The following OR56A1 variants were observed in gnomAD, a reference collection of about 807,000 sequenced individuals.
OR56A1 encodes the protein olfactory receptor family 56 subfamily A member 1.
For missense variants in OR56A1, 360 were observed against 380.9 expected, an observed-to-expected ratio of 0.94 and a Z score of 0.46; for synonymous variants, 174 against 159.1, an observed-to-expected ratio of 1.09 and a Z score of -0.70.
rs1848438915 is a variant in OR56A1, at chr11:6,025,556, A to T, written c.*1192T>A. 6.6e-6 allele frequency: 1 copy of T among 151,862 alleles called. No individual in the cohort carries two copies. Among genetic ancestry groups the T allele is most frequent in the Non-Finnish European group, 1.5e-5 (1 of 67,982 alleles). 9.4% of individuals were successfully genotyped at this position (151,862 alleles called of 1,614,324 possible). A position where few individuals can be genotyped will look rare whatever the true frequency, so the allele number is the denominator to read the frequency against. ...TTTGTTTAACTCCCAGCCTTATTGA[A>T]CTCTCTCAAAAATACCAGCACCATC... On this transcript the variant is annotated 3_prime_UTR_variant, in exon 2 of 2. Coordinates refer to ENST00000641900, the MANE Select transcript of OR56A1 (RefSeq NM_001388488.1).
chr11:6,031,549 A>T (rs1848512560), upstream of OR56A1, among the ~76,000 whole-genome samples: 1 of 152,194 alleles, frequency 6.6e-6, no homozygotes. Flanking sequence ...TGAATCTTCC[A>T]GAAGTCATAT....
Position 6,019,822 on chromosome 11 carries a change from T to C in OR56A1, c.*6926A>G, listed in dbSNP as rs1848376852. The C allele has an allele frequency of 6.6e-6, 1 of 152,136 alleles. No homozygotes were observed. Among genetic ancestry groups the C allele is most frequent in the Admixed American group, 6.5e-5 (1 of 15,274 alleles). 9.4% of individuals were successfully genotyped at this position (152,136 alleles called of 1,614,324 possible). A position where few individuals can be genotyped will look rare whatever the true frequency, so the allele number is the denominator to read the frequency against. On this transcript the variant is annotated 3_prime_UTR_variant, in exon 2 of 2. Transcript: ENST00000641900. ...GTCAGAAGGCTTTTTCTCAAAAGCATTTAGGCACAGTATTCAATTCGTCAG... is the reference window on the plus strand; with the variant it reads ...GTCAGAAGGCTTTTTCTCAAAAGCACTTAGGCACAGTATTCAATTCGTCAG...
rs1404923866 is a variant in OR56A1 at position 6,020,239 on chromosome 11, G to A, written c.*6509C>T. On this transcript the variant is annotated 3_prime_UTR_variant, in exon 2 of 2. Transcript: ENST00000641900. ...AGCAGAATGTCAAGGCAGATTTCAA[G>A]TATATGTTTGAACAGTCCTAAACTA... 2 of 152,058 alleles carry A rather than the reference G, an allele frequency of 1.3e-5. No individual in the cohort carries two copies. The highest frequency in any genetic ancestry group is 2.9e-5 in the Non-Finnish European group (2 of 67,958). 9.4% of individuals were successfully genotyped at this position (152,058 alleles called of 1,614,324 possible). A position where few individuals can be genotyped will look rare whatever the true frequency, so the allele number is the denominator to read the frequency against.
upstream of OR56A1, among the ~76,000 whole-genome samples, chr11:6,032,395 C>T (rs1160248473): frequency 6.6e-6 from 1 of 152,140 alleles, no homozygotes; most frequent in South Asian, 2.1e-4. Context: ...TTTTGTACCT[C>T]TCTATCTCCC....
rs895394936 is a variant in OR56A1, at chr11:6,021,614, G to C, written c.*5134C>G. Reference sequence around the variant, plus strand: ...GTTCAAATGCAGTGTCACTCCAAAAGAAGTCACATTGTTCGATGCCTGCTT... The same window carrying C: ...GTTCAAATGCAGTGTCACTCCAAAACAAGTCACATTGTTCGATGCCTGCTT... On this transcript the variant is annotated 3_prime_UTR_variant, in exon 2 of 2. Coordinates refer to ENST00000641900, the MANE Select transcript of OR56A1 (RefSeq NM_001388488.1). 2 of 151,984 alleles carry C rather than the reference G, an allele frequency of 1.3e-5. No homozygotes were observed. The highest frequency in any genetic ancestry group is 2.1e-4 in the South Asian group (1 of 4,812). 9.4% of individuals were successfully genotyped at this position (151,984 alleles called of 1,614,324 possible).
intron 1 of OR56A1, among the ~76,000 whole-genome samples, chr11:6,029,026 GC>G (rs1188183228): frequency 6.6e-6 from 1 of 152,080 alleles, no homozygotes; most frequent in African/African-American, 2.4e-5. Flanking sequence ...AATGAAACAA[GC>G]CAGACACAAA....
upstream of OR56A1, among the ~76,000 whole-genome samples, chr11:6,032,757 C>T (rs1046224571): frequency 2.0e-5 from 3 of 152,132 alleles, no homozygotes; most frequent in Non-Finnish European, 4.4e-5. Flanking sequence ...CACCCACTTA[C>T]TTGATGAAAA....
chr11:6,031,370 A>T (rs1848510557), upstream of OR56A1, among the ~76,000 whole-genome samples: 1 of 152,172 alleles, frequency 6.6e-6, no homozygotes, highest in Admixed American at 6.5e-5. Flanking sequence ...TAGAAGAGAG[A>T]CATGACCAGA....
At position 6,023,142 on chromosome 11, in the gene OR56A1, C is replaced by T. The variant is rs1329862125; in HGVS notation, c.*3606G>A. ...CTGAGAACTGGCATTCAATACAGTA[C>T]CGTTATTCCCACAAATAGCCACAAA... On this transcript the variant is annotated 3_prime_UTR_variant, in exon 2 of 2. Coordinates refer to ENST00000641900, the MANE Select transcript of OR56A1 (RefSeq NM_001388488.1). The T allele has an allele frequency of 6.6e-6, 1 of 152,128 alleles. No individual in the cohort carries two copies. The highest frequency in any genetic ancestry group is 1.5e-5 in the Non-Finnish European group (1 of 68,022). The allele number at this position is 152,128 out of a possible 1,614,324, so 9.4% of individuals were successfully genotyped here. A position where few individuals can be genotyped will look rare whatever the true frequency, so the allele number is the denominator to read the frequency against.
chr11:6,024,300 AG>A lies in OR56A1; in HGVS notation c.*2447del, dbSNP rs1848425600. Reference sequence around the variant, plus strand: ...TACAAATCCCTACAACAAAGTTGGTAGTTTCTATCCCTATGTACACCCAGTT... The same window carrying A: ...TACAAATCCCTACAACAAAGTTGGTATTTCTATCCCTATGTACACCCAGTT... On this transcript the variant is annotated 3_prime_UTR_variant, in exon 2 of 2. Transcript: ENST00000641900. 1 of 152,224 alleles carries A rather than the reference AG, an allele frequency of 6.6e-6. No individual in the cohort carries two copies. Among genetic ancestry groups the A allele is most frequent in the African/African-American group, 2.4e-5 (1 of 41,452 alleles). The allele number at this position is 152,224 out of a possible 1,614,324, so 9.4% of individuals were successfully genotyped here. A position where few individuals can be genotyped will look rare whatever the true frequency, so the allele number is the denominator to read the frequency against.
At chr11:6,030,137 C>G (rs560176271) in intron 1 of OR56A1, among the ~76,000 whole-genome samples, 1 of 152,178 alleles carries the variant, frequency 6.6e-6, no homozygotes, top group Non-Finnish European at 1.5e-5. Flanking sequence ...AATCCATCCA[C>G]TTCTCCATAT....
At position 6,020,077 on chromosome 11, in the gene OR56A1, G is replaced by A. The variant is rs1263393518; in HGVS notation, c.*6671C>T. 1 of 152,046 alleles carries A rather than the reference G, an allele frequency of 6.6e-6. No homozygotes were observed. The highest frequency in any genetic ancestry group is 1.9e-4 in the East Asian group (1 of 5,188). 9.4% of individuals were successfully genotyped at this position (152,046 alleles called of 1,614,324 possible). A position where few individuals can be genotyped will look rare whatever the true frequency, so the allele number is the denominator to read the frequency against. ...AAGGTTTATTTTTTCCAAGAGTATT[G>A]ACTCAGGTATCTCTCCTCCCCCACC... On this transcript the variant is annotated 3_prime_UTR_variant, in exon 2 of 2. Transcript: ENST00000641900.
Position 6,027,702 on chromosome 11 carries a change from C to A in OR56A1, c.-10G>T, listed in dbSNP as rs868144966. On this transcript the variant is annotated 5_prime_UTR_variant, in exon 2 of 2. An upstream start codon of the reference 5' UTR is lost. Transcript: ENST00000641900. ...TGCTGGGTGACGCCATAGGCTGAAT[C>A]ATGAGCTGAGTAGGCTTCTGATGAC... The A allele has an allele frequency of 6.4e-7, 1 of 1,568,550 alleles. No homozygotes were observed.
chr11:6,029,046 T>C (rs1202850641), intron 1 of OR56A1, among the ~76,000 whole-genome samples: 3 of 151,984 alleles, frequency 2.0e-5, no homozygotes, highest in Non-Finnish European at 4.4e-5. Context: ...AAAAGACAAA[T>C]ATTGCATGTT....
intron 1 of OR56A1, among the ~76,000 whole-genome samples, chr11:6,028,245 A>G (rs556013285): frequency 2.9e-4 from 44 of 152,118 alleles, no homozygotes; most frequent in Non-Finnish European, 5.3e-4. Flanking sequence ...TATGAATATA[A>G]CTATTCATTT....
chr11:6,021,277 G>A lies in OR56A1; in HGVS notation c.*5471C>T, dbSNP rs527281512. 2 of 152,030 alleles carry A rather than the reference G, an allele frequency of 1.3e-5. No individual in the cohort carries two copies. The highest frequency in any genetic ancestry group is 1.9e-4 in the East Asian group (1 of 5,194). The allele number at this position is 152,030 out of a possible 1,614,324, so 9.4% of individuals were successfully genotyped here. ...GTTTTTGCTTTAGAATTTAAAAAAT[G>A]TATTGATCCTACACAAATTACAATT... On this transcript the variant is annotated 3_prime_UTR_variant, in exon 2 of 2. Transcript: ENST00000641900.
intron 1 of OR56A1, among the ~76,000 whole-genome samples, 195 bp downstream of exon 1, chr11:6,030,507 G>A (rs1848502088): frequency 6.6e-6 from 1 of 152,068 alleles, no homozygotes; most frequent in African/African-American, 2.4e-5. Flanking sequence ...AAGGGAGGGA[G>A]GGGAGGAAGG....
rs1241393121 is a variant in OR56A1 at position 6,021,655 on chromosome 11, G to A, written c.*5093C>T. The A allele has an allele frequency of 6.6e-6, 1 of 151,326 alleles. No individual in the cohort carries two copies. Among genetic ancestry groups the A allele is most frequent in the Non-Finnish European group, 1.5e-5 (1 of 67,916 alleles). The allele number at this position is 151,326 out of a possible 1,614,324, so 9.4% of individuals were successfully genotyped here. On this transcript the variant is annotated 3_prime_UTR_variant, in exon 2 of 2. Coordinates refer to ENST00000641900, the MANE Select transcript of OR56A1 (RefSeq NM_001388488.1). Reference sequence around the variant, plus strand: ...ATGCCTGCTTCATTTAGGATAATGGGAACATTAATAAAGGCACATTTAGGA... The same window carrying A: ...ATGCCTGCTTCATTTAGGATAATGGAAACATTAATAAAGGCACATTTAGGA...
upstream of OR56A1, among the ~76,000 whole-genome samples, chr11:6,032,770 C>T (rs866562633): frequency 2.0e-5 from 3 of 152,194 alleles, no homozygotes; most frequent in Middle Eastern, 6.8e-3. Flanking sequence ...GATGAAAAAG[C>T]CCTGTGCTAG....
Sources: gnomAD v4.1 joint callset for allele counts (sites outside exome capture counted in the v4.1 genomes callset) on GRCh38, gnomAD v4.1.1 for gene constraint, MANE v1.5 for transcripts, NCBI Gene and HGNC (gene_info 2026-07-23, HGNC 2026-07-21) for gene names.